Variants in SPATA13 observed in about 807,000 individuals in gnomAD.
The protein encoded by SPATA13 is spermatogenesis-associated protein 13.
Under a neutral mutation model 104.0 loss-of-function variants are expected in SPATA13, and 50 were observed. The observed-to-expected ratio is 0.48, with a 90% CI of 0.38 to 0.61. The LOEUF is 0.61. SPATA13 is among the 20% of genes least tolerant of loss of function. The pLI, the probability that SPATA13 is intolerant of heterozygous loss-of-function variation, is 0.00. For synonymous variants in SPATA13, 606 were observed against 667.5 expected (o/e 0.91, Z 1.42); for missense variants, 1,524 against 1,690.6 (o/e 0.90, Z 1.73).
intron 2 of SPATA13, among the ~76,000 whole-genome samples, chr13:24,247,777 C>T (rs901627727): frequency 2.6e-5 from 4 of 152,176 alleles, no homozygotes; most frequent in African/African-American, 4.8e-5. Context: ...GCCACCCGCC[C>T]GGGCTCTGCA....
chr13:24,260,717 T>C (rs2138678633), intron 4 of SPATA13, among the ~76,000 whole-genome samples: 1 of 152,362 alleles, frequency 6.6e-6, no homozygotes, highest in Non-Finnish European at 1.5e-5. Context: ...GAGGAGTCTA[T>C]ATTCAGATTG....
At chr13:23,987,400 G>A (rs1375119640) in intron 2 of SPATA13, among the ~76,000 whole-genome samples, 1 of 152,164 alleles carries the variant, frequency 6.6e-6, no homozygotes, top group African/African-American at 2.4e-5. Flanking sequence ...CATGATGGTG[G>A]AGTTATATTC....
chr13:24,278,746 A>C (rs1179299354), intron 4 of SPATA13: 19 of 1,593,990 alleles, frequency 1.2e-5, no homozygotes, highest in Non-Finnish European at 1.6e-5. Flanking sequence ...ACAAAGAAAG[A>C]AACTTGACCA....
At chr13:24,225,923 A>C (rs1360747785) in intron 2 of SPATA13, among the ~76,000 whole-genome samples, 4 of 152,202 alleles carry the variant, frequency 2.6e-5, no homozygotes, top group Non-Finnish European at 5.9e-5. Flanking sequence ...CATCCAGGAA[A>C]AATGAAGTTA....
chr13:24,033,856 C>A (rs1877576573), intron 3 of SPATA13: 1 of 152,228 alleles, frequency 6.6e-6, no homozygotes, highest in Non-Finnish European at 1.5e-5. Flanking sequence ...ACTGGAGCAA[C>A]TTTTTGGCTA....
At chr13:24,060,277 C>G (rs528086506) in intron 3 of SPATA13, among the ~76,000 whole-genome samples, 1 of 152,208 alleles carries the variant, frequency 6.6e-6, no homozygotes, top group East Asian at 1.9e-4. Context: ...GAAATACTTA[C>G]AACCTGCACA....
intron 3 of SPATA13, among the ~76,000 whole-genome samples, chr13:24,142,790 A>C (rs9511085): frequency 0.29 from 43,726 of 151,734 alleles, 6,749 homozygotes; most frequent in Non-Finnish European, 0.36. Flanking sequence ...TTGGTAGGTC[A>C]CTCAAAAAGC....
chr13:24,090,046 A>G (rs1248964589), intron 3 of SPATA13, among the ~76,000 whole-genome samples: 1 of 152,200 alleles, frequency 6.6e-6, no homozygotes, highest in African/African-American at 2.4e-5. Flanking sequence ...TGAATACCAT[A>G]TCAAGTTGGT....
intron 4 of SPATA13, chr13:24,278,511 C>T: frequency 1.4e-6 from 1 of 696,570 alleles, no homozygotes; most frequent in South Asian, 2.7e-5. Context: ...CTCCTGGGCT[C>T]AAGGGATCCT....
Position 24,223,592 on chromosome 13 carries a change from T to C in SPATA13, c.663T>C (p.His221=). 9 of 1,550,824 alleles carry C rather than the reference T, an allele frequency of 5.8e-6. No homozygotes were observed. The highest frequency in any genetic ancestry group is 7.8e-6 in the Non-Finnish European group (9 of 1,147,008). ...GCCTGCTGGATGCGCCCCAGAACCATGCGACACCCACGATAGCCACTGGCC... is the reference window on the plus strand; with the variant it reads ...GCCTGCTGGATGCGCCCCAGAACCACGCGACACCCACGATAGCCACTGGCC... ...RICLLDAPQN[H]ATPTIATGQV... The change falls in exon 2 of 13, where the codon CAT becomes CAC. Residue 221 remains histidine, a synonymous_variant. Coordinates refer to ENST00000382108, the MANE Select transcript of SPATA13 (RefSeq NM_001166271.3).
In SPATA13 at chr13:24,297,614, G is replaced by T; in HGVS notation, c.3462G>T (p.Lys1154Asn). ...DCNLSVKNAFKLVSRTTDEVY... is the reference protein window; with the variant it reads ...DCNLSVKNAFNLVSRTTDEVY... ...ACCTCAGCGTGAAAAATGCCTTCAA[G>T]CTCGTCAGTAGGACCACAGACGAGG... The change falls in exon 11 of 13, where the codon AAG becomes AAT. Residue 1154 changes from lysine (K) to asparagine (N), a missense_variant. By Grantham distance (94) the Lys-to-Asn change is moderately conservative. Coordinates refer to ENST00000382108, the MANE Select transcript of SPATA13 (RefSeq NM_001166271.3). 1 of 1,614,218 alleles carries T rather than the reference G, an allele frequency of 6.2e-7. No homozygotes were observed. Among genetic ancestry groups the T allele is most frequent in the Non-Finnish European group, 8.5e-7 (1 of 1,180,038 alleles).
At position 24,135,231 on chromosome 13, in the gene SPATA13, C is replaced by G. The variant is rs552880803; in HGVS notation, c.-111-87588C>G. ...CACTCATTATTCGAAAAAAAAAATA[C>G]TTTTTCTTCTCTCATCTTTTCCTCT... is the stretch of plus-strand genomic sequence containing the variant. On this transcript the variant is annotated intron_variant, in intron 3 of 14. Coordinates refer to the SPATA13 transcript ENST00000424834. Among the ~76,000 whole-genome samples, 5 of 151,676 alleles carry G rather than the reference C, an allele frequency of 3.3e-5. No individual in the cohort carries two copies. The East Asian group carries it at 5.8e-4, about 18-fold the overall frequency.
chr13:24,183,021 G>A (rs1868911388), intron 1 of SPATA13, among the ~76,000 whole-genome samples: 1 of 152,214 alleles, frequency 6.6e-6, no homozygotes, highest in East Asian at 1.9e-4. Flanking sequence ...GAGGATATCT[G>A]CTTACATATA....
rs4465467 is a variant in SPATA13, at chr13:24,221,884, C to A, written c.-111-935C>A. Among the ~76,000 whole-genome samples, 681 of 147,368 alleles carry A rather than the reference C, an allele frequency of 4.6e-3. 5 individuals are homozygous for A. The highest frequency in any genetic ancestry group is 0.016 in the African/African-American group (640 of 39,764). ...TTGGAGTGCAGTGGCGCAATCTTGGCTCACTGCAACTTCTGTCTCCCAGGT... is the reference window on the plus strand; with the variant it reads ...TTGGAGTGCAGTGGCGCAATCTTGGATCACTGCAACTTCTGTCTCCCAGGT... On this transcript the variant is annotated intron_variant, in intron 1 of 12. Transcript: ENST00000382108.
At chr13:24,158,156 T>C (rs1021377256), upstream of SPATA13, among the ~76,000 whole-genome samples, 20 of 152,202 alleles carry the variant, frequency 1.3e-4, no homozygotes, top group African/African-American at 4.8e-4. Flanking sequence ...CGAACTTGGG[T>C]GAAAGTTTTG....
chr13:24,214,635 C>T (rs1287103367), intron 1 of SPATA13, among the ~76,000 whole-genome samples: 1 of 152,186 alleles, frequency 6.6e-6, no homozygotes, highest in Non-Finnish European at 1.5e-5. Flanking sequence ...CTTCACCTGT[C>T]CCTCAGTCTT....
chr13:24,168,951 G>A (rs1169262228), intron 1 of SPATA13, among the ~76,000 whole-genome samples: 1 of 152,032 alleles, frequency 6.6e-6, no homozygotes, highest in Admixed American at 6.5e-5. Context: ...TTCTACCTTT[G>A]ACTTTTCTTT....
intron 1 of SPATA13, among the ~76,000 whole-genome samples, chr13:24,166,052 C>G (rs1225344033): frequency 6.6e-6 from 1 of 152,208 alleles, no homozygotes; most frequent in Non-Finnish European, 1.5e-5. Context: ...AAAAGTCTTT[C>G]TCATTCATCA....
chr13:24,189,483 C>CTA (rs1472598860), intron 1 of SPATA13, among the ~76,000 whole-genome samples: 4 of 48,252 alleles, frequency 8.3e-5, no homozygotes, highest in Admixed American at 3.0e-4. Context: ...CTCTCTCTCT[C>CTA]TATATATATA....
Sources: gnomAD v4.1 joint callset for allele counts (sites outside exome capture counted in the v4.1 genomes callset) on GRCh38, gnomAD v4.1.1 for gene constraint, MANE v1.5 for transcripts, NCBI Gene and HGNC (gene_info 2026-07-23, HGNC 2026-07-21) for gene names.